Variants in HOOK1 observed in about 807,000 individuals in gnomAD.
HOOK1 encodes hook microtubule tethering protein 1.
HOOK1 carries 60 observed loss-of-function variants against 112.8 expected under a neutral mutation model. The observed-to-expected ratio is 0.53, with a 90% CI of 0.43 to 0.66. The LOEUF is 0.66. HOOK1 is among the 30% of genes least tolerant of loss of function. The pLI is 0.00. For synonymous variants in HOOK1, 294 were observed against 283.8 expected (o/e 1.04, Z -0.36); for missense variants, 770 against 856.0 (o/e 0.90, Z 1.25).
chr1:59,861,491 G>A (rs2102066636), intron 15 of HOOK1, among the ~76,000 whole-genome samples: 1 of 152,292 alleles, frequency 6.6e-6, no homozygotes, highest in South Asian at 2.1e-4. Context: ...TGGTATCAAT[G>A]AAGTGCTCAA....
chr1:59,867,343 A>G (rs558728131), intron 19 of HOOK1, among the ~76,000 whole-genome samples: 2 of 152,300 alleles, frequency 1.3e-5, no homozygotes, highest in East Asian at 3.9e-4. Context: ...CATGTCTCCA[A>G]TAAATTGCTG....
Position 59,848,346 on chromosome 1 carries a change from TCAA to T in HOOK1, c.964_966del (p.Thr322del). ...CTCTGATAAAGCAAATAAACTGGAG[TCAA>T]CAGTTGAGATATATCGTCAGAAGCT... On this transcript the variant is annotated inframe_deletion, in exon 11 of 22. Transcript: ENST00000371208. 1 of 1,610,542 alleles carries T rather than the reference TCAA, an allele frequency of 6.2e-7. No individual in the cohort carries two copies. The highest frequency in any genetic ancestry group is 8.5e-7 in the Non-Finnish European group (1 of 1,177,752).
At chr1:59,832,969 A>G (rs913084087) in intron 4 of HOOK1, among the ~76,000 whole-genome samples, 2 of 152,170 alleles carry the variant, frequency 1.3e-5, no homozygotes, top group Non-Finnish European at 2.9e-5. Context: ...AGGAAAAAAA[A>G]TTAATCCATT....
At chr1:59,824,681 A>G (rs1264611883) in intron 2 of HOOK1, among the ~76,000 whole-genome samples, 1 of 152,220 alleles carries the variant, frequency 6.6e-6, no homozygotes, top group Non-Finnish European at 1.5e-5. Flanking sequence ...AAATAGTAAT[A>G]TCTTTATAAA....
intron 3 of HOOK1, among the ~76,000 whole-genome samples, chr1:59,830,168 TCTACAGTTGTTATATAAATATA>T (rs1386954498): frequency 1.3e-5 from 2 of 152,100 alleles, no homozygotes; most frequent in African/African-American, 4.8e-5. Flanking sequence ...CAGCATGCAT[TCTACAGTTGTTATATAAATATA>T]GATTTTGTTA....
intron 1 of HOOK1, among the ~76,000 whole-genome samples, chr1:59,817,054 C>T (rs139090063): frequency 4.6e-5 from 7 of 152,338 alleles, no homozygotes; most frequent in Non-Finnish European, 1.0e-4. Flanking sequence ...GACTCCATCC[C>T]TTCCACCTCT....
At chr1:59,834,443 A>G (rs772202732) in intron 5 of HOOK1, among the ~76,000 whole-genome samples, 8 of 152,194 alleles carry the variant, frequency 5.3e-5, no homozygotes, top group Admixed American at 1.3e-4. Flanking sequence ...GAGAATTTTT[A>G]TATTAGTCCA....
At chr1:59,840,426 C>G (rs1010022721) in intron 8 of HOOK1, 35 bp downstream of exon 8, 1 of 1,361,948 alleles carries the variant, frequency 7.3e-7, no homozygotes, top group African/African-American at 1.5e-5. Context: ...GAAAAACTTC[C>G]TCTTTAAGTT....
chr1:59,863,058 C>T (rs528840441), intron 16 of HOOK1, among the ~76,000 whole-genome samples, 181 bp downstream of exon 16: 3 of 152,232 alleles, frequency 2.0e-5, no homozygotes, highest in East Asian at 1.9e-4. Flanking sequence ...GTCAGTTGAT[C>T]ATCTACATTG....
chr1:59,866,356 TA>T (rs1643965013), intron 19 of HOOK1, among the ~76,000 whole-genome samples: 1 of 152,374 alleles, frequency 6.6e-6, no homozygotes, highest in Middle Eastern at 3.4e-3. Context: ...TTATCTTTTG[TA>T]AAAGTTTAGC....
intron 2 of HOOK1, among the ~76,000 whole-genome samples, chr1:59,823,458 A>T (rs750477047): frequency 6.6e-6 from 1 of 152,170 alleles, no homozygotes; most frequent in Non-Finnish European, 1.5e-5. Context: ...GTTTTTTGTC[A>T]CTAGAATTTA....
intron 12 of HOOK1, among the ~76,000 whole-genome samples, chr1:59,852,863 C>T (rs530860898): frequency 1.3e-5 from 2 of 151,566 alleles, no homozygotes; most frequent in East Asian, 3.9e-4. Context: ...GAATTATTTT[C>T]CCTTATGATT....
intron 1 of HOOK1, among the ~76,000 whole-genome samples, chr1:59,820,060 A>ATTCTTT (rs2098384440): frequency 6.6e-6 from 1 of 152,180 alleles, no homozygotes; most frequent in Admixed American, 6.5e-5. Context: ...ATGCCAAAGA[A>ATTCTTT]TGTTACTCTT....
intron 2 of HOOK1, among the ~76,000 whole-genome samples, chr1:59,823,115 T>C (rs1017163615): frequency 1.9e-4 from 29 of 152,162 alleles, no homozygotes; most frequent in Non-Finnish European, 4.3e-4. Context: ...GGTCAGCAGA[T>C]CGAGACCATC....
chr1:59,827,313 A>G (rs1337801828), intron 2 of HOOK1, among the ~76,000 whole-genome samples: 1 of 152,194 alleles, frequency 6.6e-6, no homozygotes. Flanking sequence ...AAATGTTAGT[A>G]TCATCTAGAA....
At chr1:59,842,300 T>C (rs1237005689) in intron 8 of HOOK1, among the ~76,000 whole-genome samples, 2 of 152,132 alleles carry the variant, frequency 1.3e-5, no homozygotes, top group African/African-American at 4.8e-5. Context: ...ACATTTCTAC[T>C]GTAAGGGTCT....
chr1:59,822,249 T>G (rs1017778060), intron 2 of HOOK1, among the ~76,000 whole-genome samples: 1 of 152,238 alleles, frequency 6.6e-6, no homozygotes, highest in Non-Finnish European at 1.5e-5. Flanking sequence ...AAGAAACAAG[T>G]TAATGATACA....
chr1:59,843,671 C>A, intron 9 of HOOK1, 73 bp downstream of exon 9: 2 of 1,135,652 alleles, frequency 1.8e-6, no homozygotes, highest in Non-Finnish European at 2.5e-6. Context: ...ACAGTATTAA[C>A]AGCTAATTAC....
chr1:59,860,748 A>G (rs2102065478), intron 15 of HOOK1, among the ~76,000 whole-genome samples: 1 of 149,898 alleles, frequency 6.7e-6, no homozygotes, highest in Admixed American at 6.6e-5. Flanking sequence ...CCATGCTTGG[A>G]TAGTTTTTGT....
Sources: allele counts gnomAD v4.1 joint callset (sites outside exome capture counted in the v4.1 genomes callset), GRCh38; gene constraint gnomAD v4.1.1; transcripts MANE v1.5; gene names NCBI Gene and HGNC (gene_info 2026-07-23, HGNC 2026-07-21).